TMSB15A: variants seen among roughly 807,000 people sequenced by gnomAD.
TMSB15A encodes thymosin beta 15A, also known as thymosin beta-15A.
TMSB15A carries 1 observed loss-of-function variant against 3.2 expected under a neutral mutation model. That is an observed-to-expected ratio of 0.32 (90% CI 0.11 to 1.50). TMSB15A has a LOEUF of 1.50. Among genes scored for constraint, TMSB15A ranks in the 40% most tolerant of loss-of-function variants. The pLI, the probability that TMSB15A is intolerant of heterozygous loss-of-function variation, is 0.39. For missense variants in TMSB15A, 22 were observed against 27.8 expected (o/e 0.79, Z 0.47); for synonymous variants, 10 against 11.2 (o/e 0.90, Z 0.21).
chrX:102,516,299 G>A (rs1455220465), intron 1 of TMSB15A, among the ~76,000 whole-genome samples: 1 of 113,096 alleles, frequency 8.8e-6, no homozygotes, highest in Admixed American at 9.2e-5. Flanking sequence ...GGCCACGGGA[G>A]GAGAAGGAAT....
intron 1 of TMSB15A, among the ~76,000 whole-genome samples, chrX:102,516,315 C>T (rs1556403723): frequency 8.8e-6 from 1 of 113,091 alleles, no homozygotes; most frequent in Non-Finnish European, 1.9e-5. Context: ...GGAATGAGGA[C>T]CAAGCCCCAG....
intron 2 of TMSB15A, among the ~76,000 whole-genome samples, 183 bp from the exon 3 acceptor site, chrX:102,514,307 T>G (rs952310409): frequency 8.9e-6 from 1 of 112,387 alleles, no homozygotes; most frequent in Non-Finnish European, 1.9e-5. Context: ...GTTAACTACC[T>G]GAATATTCAC....
In TMSB15A at chrX:102,514,134, C is replaced by G. The variant is rs782215605; in HGVS notation, c.101-10G>C. Reference sequence around the variant, plus strand: ...TTCTCTTGCTGGATAGCTGGGAAGACAAACACAAAAATCATTAACCGTATG... The same window carrying G: ...TTCTCTTGCTGGATAGCTGGGAAGAGAAACACAAAAATCATTAACCGTATG... On this transcript the variant is annotated splice_polypyrimidine_tract_variant and intron_variant, in intron 2 of 2. Transcript: ENST00000289373. 6 of 1,209,541 alleles carry G rather than the reference C, an allele frequency of 5.0e-6. No individual in the cohort carries two copies. The African/African-American group carries it at 8.7e-5, about 18-fold the overall frequency.
chrX:102,514,155 G>A (rs368538097), intron 2 of TMSB15A, 31 bp from the exon 3 acceptor site: 76 of 1,204,247 alleles, frequency 6.3e-5, no homozygotes, highest in East Asian at 2.4e-4. Flanking sequence ...ATCATTAACC[G>A]TATGTACCTA....
At position 102,515,185 on chromosome X, in the gene TMSB15A, A is replaced by G; in HGVS notation, c.-17-5T>C. 1.7e-6 allele frequency: 2 copies of G among 1,204,808 alleles called. No individual in the cohort carries two copies. Among genetic ancestry groups the G allele is most frequent in the Non-Finnish European group, 2.2e-6 (2 of 892,135 alleles). ...TCATCTTGACTAGAAGATAGCCTGA[A>G]AAGAATAAACATTTTTAAGAAAACT... On this transcript the variant is annotated splice_polypyrimidine_tract_variant and splice_region_variant and intron_variant, in intron 1 of 2. Transcript: ENST00000289373.
chrX:102,516,181 G>T (rs1556403689), intron 1 of TMSB15A, among the ~76,000 whole-genome samples: 1 of 112,056 alleles, frequency 8.9e-6, no homozygotes, highest in East Asian at 2.8e-4. Context: ...TGGAAAACTG[G>T]AACTAACAAA....
At chrX:102,515,663 G>T (rs1556403595) in intron 1 of TMSB15A, among the ~76,000 whole-genome samples, 1 of 109,838 alleles carries the variant, frequency 9.1e-6, no homozygotes, top group African/African-American at 3.3e-5. Flanking sequence ...AAAAAAGAGT[G>T]GCATAAGTTG....
In TMSB15A at chrX:102,513,790, T is replaced by A. The variant is rs1934866400; in HGVS notation, c.*297A>T. On this transcript the variant is annotated 3_prime_UTR_variant, in exon 3 of 3. Coordinates refer to ENST00000289373, the MANE Select transcript of TMSB15A (RefSeq NM_021992.3). ...GATTATGAAGCAATGGAAGCACCCA[T>A]CATAGCAGGTTAAAACAGGCTTATC... 3.3e-6 allele frequency: 1 copy of A among 298,516 alleles called. No individual in the cohort carries two copies. The highest frequency in any genetic ancestry group is 5.0e-5 in the East Asian group (1 of 20,169). The allele number at this position is 298,516 out of a possible 1,213,427, so 24.6% of individuals were successfully genotyped here.
At chrX:102,514,442 C>T (rs1485407892) in intron 2 of TMSB15A, among the ~76,000 whole-genome samples, 1 of 112,324 alleles carries the variant, frequency 8.9e-6, no homozygotes, top group African/African-American at 3.2e-5. Flanking sequence ...TATCCATATA[C>T]AACTAGGAAG....
intron 1 of TMSB15A, among the ~76,000 whole-genome samples, chrX:102,516,430 C>T (rs1417917559): frequency 1.8e-5 from 2 of 112,400 alleles, no homozygotes; most frequent in African/African-American, 6.5e-5. Flanking sequence ...GCCTCCCAAC[C>T]CCGGGGCCTT....
chrX:102,516,160 A>G (rs964655536), intron 1 of TMSB15A, among the ~76,000 whole-genome samples: 1 of 111,914 alleles, frequency 8.9e-6, no homozygotes, highest in Non-Finnish European at 1.9e-5. Flanking sequence ...ATTAGACGCC[A>G]AGCTCAGAGC....
intron 1 of TMSB15A, 46 bp from the exon 2 acceptor site, chrX:102,515,226 T>A: frequency 8.7e-7 from 1 of 1,146,772 alleles, no homozygotes; most frequent in Admixed American, 2.4e-5. Context: ...GGCAGAACTG[T>A]CTTCGGACTA....
At position 102,514,081 on chromosome X, in the gene TMSB15A, C is replaced by T. The variant is rs782465628; in HGVS notation, c.*6G>A. On this transcript the variant is annotated 3_prime_UTR_variant, in exon 3 of 3. Transcript: ENST00000289373. ...CGAAATCTGCTGTTGGGAGGCGATC[C>T]CCATTTTATGATGTTTGAACACACT... 22 of 1,209,231 alleles carry T rather than the reference C, an allele frequency of 1.8e-5. No individual in the cohort carries two copies. The highest frequency in any genetic ancestry group is 2.3e-5 in the Non-Finnish European group (21 of 894,723).
chrX:102,513,747 A>T lies in TMSB15A; in HGVS notation c.*340T>A, dbSNP rs1343409144. 2 of 215,332 alleles carry T rather than the reference A, an allele frequency of 9.3e-6. No homozygotes were observed. The highest frequency in any genetic ancestry group is 1.7e-5 in the Non-Finnish European group (2 of 117,862). 17.7% of individuals were successfully genotyped at this position (215,332 alleles called of 1,213,427 possible). On this transcript the variant is annotated 3_prime_UTR_variant, in exon 3 of 3. Transcript: ENST00000289373. ...CAAATAAACTGTGAAAAGCTGCAAA[A>T]GCATGCAACTTCATGAAGATTATGA...
At chrX:102,515,369 C>T (rs1023238987) in intron 1 of TMSB15A, among the ~76,000 whole-genome samples, 189 bp from the exon 2 acceptor site, 1 of 111,714 alleles carries the variant, frequency 9.0e-6, no homozygotes, top group Non-Finnish European at 1.9e-5. Context: ...ACATCATTAG[C>T]CCATTTTGAT....
At chrX:102,515,011 A>G (rs1556403382) in intron 2 of TMSB15A, 53 bp downstream of exon 2, 1 of 1,162,523 alleles carries the variant, frequency 8.6e-7, no homozygotes, top group African/African-American at 1.8e-5. Flanking sequence ...TTATTTACTG[A>G]ACCTATTAAC....
At chrX:102,515,605 T>A (rs1556403570) in intron 1 of TMSB15A, among the ~76,000 whole-genome samples, 1 of 111,186 alleles carries the variant, frequency 9.0e-6, no homozygotes, top group Non-Finnish European at 1.9e-5. Context: ...ATTAAATTAC[T>A]TTTGTTTTTT....
At chrX:102,514,879 T>G (rs781939867) in intron 2 of TMSB15A, among the ~76,000 whole-genome samples, 185 bp downstream of exon 2, 4 of 111,929 alleles carry the variant, frequency 3.6e-5, no homozygotes, top group Non-Finnish European at 7.5e-5. Flanking sequence ...AAGACTTATG[T>G]GAGAACTACT....
At chrX:102,516,131 G>A (rs1185958890) in intron 1 of TMSB15A, among the ~76,000 whole-genome samples, 4 of 111,549 alleles carry the variant, frequency 3.6e-5, no homozygotes, top group African/African-American at 9.8e-5. Context: ...TTTACCCTAA[G>A]ACCCTCCTCT....
Sources: gnomAD v4.1 joint callset for allele counts (sites outside exome capture counted in the v4.1 genomes callset) on GRCh38, gnomAD v4.1.1 for gene constraint, MANE v1.5 for transcripts, NCBI Gene and HGNC (gene_info 2026-07-23, HGNC 2026-07-21) for gene names.